Variants in N4BP2L2 observed in about 807,000 individuals in gnomAD.
N4BP2L2 encodes NEDD4 binding protein 2 like 2.
N4BP2L2 carries 50 observed loss-of-function variants against 56.2 expected under a neutral mutation model. That is an observed-to-expected ratio of 0.89 (90% CI 0.71 to 1.13). N4BP2L2 has a LOEUF of 1.13. Among genes scored for constraint, N4BP2L2 ranks in the 50% most tolerant of loss-of-function variants. The pLI is 0.00. For synonymous variants in N4BP2L2, 203 were observed against 223.6 expected (o/e 0.91, Z 0.82); for missense variants, 689 against 693.8 (o/e 0.99, Z 0.08).
intron 6 of N4BP2L2, among the ~76,000 whole-genome samples, chr13:32,467,025 G>A (rs772680689): frequency 4.6e-5 from 7 of 152,098 alleles, no homozygotes; most frequent in African/African-American, 9.7e-5. Flanking sequence ...CAATATCCTT[G>A]TAGATAAAAT....
intron 6 of N4BP2L2, among the ~76,000 whole-genome samples, chr13:32,496,620 C>G (rs926615167): frequency 2.0e-5 from 3 of 152,168 alleles, no homozygotes; most frequent in Non-Finnish European, 4.4e-5. Flanking sequence ...ACCTGGAAAT[C>G]ATGCTGACTG....
exon 7 of N4BP2L2, chr13:32,443,056 T>C (rs1389673679): frequency 1.2e-6 from 2 of 1,607,338 alleles, no homozygotes; most frequent in African/African-American, 1.3e-5. Flanking sequence ...TGGTACCAAA[T>C]TGAAAATCCT....
At chr13:32,508,124 G>A (rs2091242733), downstream of N4BP2L2, 2 of 152,262 alleles carry the variant, frequency 1.3e-5, no homozygotes, top group East Asian at 1.9e-4. Flanking sequence ...AATAAGAAGA[G>A]CAGTGAATAA....
intron 6 of N4BP2L2, among the ~76,000 whole-genome samples, chr13:32,453,342 TG>T (rs2078423299): frequency 6.6e-6 from 1 of 151,778 alleles, no homozygotes; most frequent in African/African-American, 2.4e-5. Context: ...ACAACAGAAG[TG>T]ACTAAACAGG....
exon 7 of N4BP2L2, chr13:32,443,285 A>G (rs2076609867): frequency 6.2e-7 from 1 of 1,613,830 alleles, no homozygotes. Context: ...ATTTGAATCC[A>G]TTGCCCCCTG....
chr13:32,448,601 C>T (rs1221258951), intron 6 of N4BP2L2, among the ~76,000 whole-genome samples: 2 of 152,122 alleles, frequency 1.3e-5, no homozygotes, highest in Non-Finnish European at 2.9e-5. Context: ...CAGATACAAG[C>T]TAATCTGACC....
At chr13:32,476,518 A>C (rs2083354920) in intron 6 of N4BP2L2, among the ~76,000 whole-genome samples, 1 of 152,204 alleles carries the variant, frequency 6.6e-6, no homozygotes, top group Non-Finnish European at 1.5e-5. Context: ...AGAAAACTGC[A>C]GACCAGTAAT....
intron 6 of N4BP2L2, among the ~76,000 whole-genome samples, chr13:32,461,331 T>C (rs2080030524): frequency 6.6e-6 from 1 of 152,126 alleles, no homozygotes; most frequent in African/African-American, 2.4e-5. Context: ...AGAGACAACC[T>C]GATGAATGGA....
At chr13:32,513,128 A>C (rs1566153450) in exon 6 of N4BP2L2, 2 of 152,170 alleles carry the variant, frequency 1.3e-5, no homozygotes. Context: ...AATGTAGTCT[A>C]AATTATTGAG....
At chr13:32,473,008 C>T (rs923582999) in intron 6 of N4BP2L2, among the ~76,000 whole-genome samples, 10 of 152,058 alleles carry the variant, frequency 6.6e-5, no homozygotes, top group African/African-American at 2.2e-4. Context: ...TGGTCAGACG[C>T]GGTGGCTCAC....
At chr13:32,518,068 T>G in intron 5 of N4BP2L2, 65 bp from the exon 6 acceptor site, 1 of 1,437,528 alleles carries the variant, frequency 7.0e-7, no homozygotes, top group Non-Finnish European at 9.3e-7. Flanking sequence ...GATTAACTGT[T>G]TTAGAGAAAA....
intron 6 of N4BP2L2, among the ~76,000 whole-genome samples, chr13:32,501,261 A>C (rs1324989859): frequency 6.6e-6 from 1 of 152,178 alleles, no homozygotes; most frequent in South Asian, 2.1e-4. Context: ...CCCAGGATGC[A>C]GTTAACTAAT....
At chr13:32,528,416 G>A (rs755997458) in intron 2 of N4BP2L2, among the ~76,000 whole-genome samples, 5 of 152,138 alleles carry the variant, frequency 3.3e-5, no homozygotes, top group Non-Finnish European at 7.3e-5. Context: ...GTCGTTAAAT[G>A]AAATTATTAA....
chr13:32,536,571 CTCT>C (rs1487628324), exon 2 of N4BP2L2: 42 of 1,613,738 alleles, frequency 2.6e-5, no homozygotes, highest in Non-Finnish European at 3.6e-5. Context: ...TTTTGTCCTC[CTCT>C]GTCATTTATA....
intron 6 of N4BP2L2, among the ~76,000 whole-genome samples, chr13:32,480,133 A>G (rs1389229476): frequency 1.3e-5 from 2 of 152,190 alleles, no homozygotes; most frequent in African/African-American, 2.4e-5. Context: ...CCAGAAAATG[A>G]CAGGCTATCT....
intron 2 of N4BP2L2, among the ~76,000 whole-genome samples, chr13:32,534,939 A>C (rs147677232): frequency 5.6e-4 from 86 of 152,346 alleles, no homozygotes; most frequent in African/African-American, 2.0e-3. Context: ...AAATGTAAAC[A>C]AAAAAAGGAA....
intron 6 of N4BP2L2, chr13:32,478,766 T>G (rs1404419886): frequency 6.6e-6 from 1 of 152,154 alleles, no homozygotes; most frequent in Non-Finnish European, 1.5e-5. Context: ...ATGAATATAA[T>G]GGGTGATTTC....
downstream of N4BP2L2, chr13:32,505,520 C>T (rs914313660): frequency 6.6e-6 from 1 of 152,148 alleles, no homozygotes; most frequent in Non-Finnish European, 1.5e-5. Flanking sequence ...TCTTAAATTT[C>T]TCTCTCTCCT....
At chr13:32,451,267 G>A (rs78946385) in intron 6 of N4BP2L2, among the ~76,000 whole-genome samples, 32,012 of 151,204 alleles carry the variant, frequency 0.21, 3,707 homozygotes, top group South Asian at 0.39. Flanking sequence ...GATTCTGTCC[G>A]TATTTAAAAA....
Sources: gnomAD v4.1 joint callset for allele counts (sites outside exome capture counted in the v4.1 genomes callset) on GRCh38, gnomAD v4.1.1 for gene constraint, MANE v1.5 for transcripts, NCBI Gene and HGNC (gene_info 2026-07-23, HGNC 2026-07-21) for gene names.